The following SORCS1 variants were observed in gnomAD, a reference collection of about 807,000 sequenced individuals.
SORCS1 encodes VPS10 domain-containing receptor SorCS1.
In SORCS1, 60 loss-of-function variants were observed where a neutral mutation model predicts 146.1. The ratio of observed to expected loss-of-function variants is 0.41; its 90% CI spans 0.33 to 0.51. The LOEUF (loss-of-function observed/expected upper bound fraction) is 0.51, where lower values mean the gene tolerates loss of function less well. Ranked by LOEUF, SORCS1 falls within the 20% of genes least tolerant of loss-of-function variation. SORCS1 has a pLI of 0.21. For synonymous variants in SORCS1, 637 were observed against 584.0 expected, an observed-to-expected ratio of 1.09 and a Z score of -1.31; for missense variants, 1,352 against 1,487.6, an observed-to-expected ratio of 0.91 and a Z score of 1.50.
At position 106,577,181 on chromosome 10, in the gene SORCS1, GTTTTGT is replaced by G. The variant is rs752759827; in HGVS notation, c.*233_*238del. The G allele has an allele frequency of 1.4e-5, 21 of 1,452,884 alleles. No individual in the cohort carries two copies. Among genetic ancestry groups the G allele is most frequent in the South Asian group, 9.5e-5 (8 of 84,168 alleles). The allele number at this position is 1,452,884 out of a possible 1,614,324, so 90.0% of individuals were successfully genotyped here. A position where few individuals can be genotyped will look rare whatever the true frequency, so the allele number is the denominator to read the frequency against. ...TTTGATTGTTTATATTTTATGTTTTGTTTTGTTTTTGTTTTTGTTTTTTTACTGGCG... is the reference window on the plus strand; with the variant it reads ...TTTGATTGTTTATATTTTATGTTTTGTTTTGTTTTTGTTTTTTTACTGGCG... On this transcript the variant is annotated 3_prime_UTR_variant, in exon 26 of 26. Coordinates refer to ENST00000263054, the MANE Select transcript of SORCS1 (RefSeq NM_052918.5).
intron 1 of SORCS1, among the ~76,000 whole-genome samples, chr10:107,055,940 T>C (rs975424513): frequency 1.3e-4 from 20 of 152,318 alleles, no homozygotes; most frequent in African/African-American, 4.6e-4. Flanking sequence ...CCTAAGGGGA[T>C]TGCTTTGAGA....
intron 2 of SORCS1, among the ~76,000 whole-genome samples, chr10:106,927,092 G>C (rs1953083459): frequency 6.6e-6 from 1 of 152,168 alleles, no homozygotes; most frequent in Non-Finnish European, 1.5e-5. Context: ...GCATGATCCT[G>C]TCATAGCCAG....
intron 1 of SORCS1, among the ~76,000 whole-genome samples, chr10:107,038,591 CTA>C (rs1959018045): frequency 6.6e-6 from 1 of 152,070 alleles, no homozygotes; most frequent in South Asian, 2.1e-4. Flanking sequence ...TGCCTAGTAA[CTA>C]TGTGGTCTCA....
chr10:106,740,059 C>T (rs1857259246), intron 5 of SORCS1, among the ~76,000 whole-genome samples: 1 of 152,012 alleles, frequency 6.6e-6, no homozygotes, highest in East Asian at 1.9e-4. Context: ...GCTATCTCCA[C>T]ATGTTTTGTT....
chr10:106,886,221 C>T (rs1355665248), intron 2 of SORCS1, among the ~76,000 whole-genome samples: 1 of 152,084 alleles, frequency 6.6e-6, no homozygotes, highest in African/African-American at 2.4e-5. Flanking sequence ...AAGATCACAC[C>T]ACTGCACTAC....
rs971187156 is a variant in SORCS1 at position 107,017,811 on chromosome 10, C to T, written c.559-61231G>A. ...GCACCCAAGTGCGTGCCACCACGCCCGGCTATTTTTTTGTTTGTTTTTTTG... is the reference window on the plus strand; with the variant it reads ...GCACCCAAGTGCGTGCCACCACGCCTGGCTATTTTTTTGTTTGTTTTTTTG... On this transcript the variant is annotated intron_variant, in intron 1 of 25. Coordinates refer to ENST00000263054, the MANE Select transcript of SORCS1 (RefSeq NM_052918.5). 3.3e-5 allele frequency among the ~76,000 whole-genome samples: 5 copies of T among 151,978 alleles called. No homozygotes were observed. In the East Asian group the frequency reaches 5.9e-4, roughly 18 times the overall value.
chr10:106,625,809 A>AT (rs35727364), intron 19 of SORCS1, among the ~76,000 whole-genome samples: 232 of 147,438 alleles, frequency 1.6e-3, no homozygotes, highest in South Asian at 8.9e-3. Flanking sequence ...GTCTTCAGTG[A>AT]TTTTTTTTTT....
intron 2 of SORCS1, among the ~76,000 whole-genome samples, chr10:106,879,541 TGTAA>T (rs915989297): frequency 1.3e-5 from 2 of 152,230 alleles, no homozygotes; most frequent in African/African-American, 4.8e-5. Flanking sequence ...ACTTTGTAGA[TGTAA>T]GTGTGGTTAC....
At chr10:106,882,640 C>T (rs1202929400) in intron 2 of SORCS1, among the ~76,000 whole-genome samples, 1 of 152,052 alleles carries the variant, frequency 6.6e-6, no homozygotes, top group Non-Finnish European at 1.5e-5. Context: ...AGCTTTTTAA[C>T]CTGAGATTAC....
intron 6 of SORCS1, among the ~76,000 whole-genome samples, chr10:106,723,868 T>C (rs919328623): frequency 1.6e-4 from 24 of 152,200 alleles, no homozygotes; most frequent in Non-Finnish European, 1.0e-4. Flanking sequence ...TTTTTCAGAA[T>C]GTTTTTAATG....
intron 1 of SORCS1, among the ~76,000 whole-genome samples, chr10:107,099,619 C>T (rs1385156015): frequency 6.6e-6 from 1 of 152,094 alleles, no homozygotes. Context: ...GCAGGTATTC[C>T]ATCACTGAAG....
At chr10:107,114,941 C>A (rs527388200) in intron 1 of SORCS1, among the ~76,000 whole-genome samples, 8 of 152,016 alleles carry the variant, frequency 5.3e-5, no homozygotes, top group Non-Finnish European at 7.4e-5. Context: ...ATGTCAGTTG[C>A]ATTTCTATCA....
intron 18 of SORCS1, among the ~76,000 whole-genome samples, chr10:106,636,814 A>T (rs543437109): frequency 6.6e-6 from 1 of 152,236 alleles, no homozygotes; most frequent in South Asian, 2.1e-4. Flanking sequence ...ACTAGTTTGA[A>T]TCAGGCTGTT....
intron 1 of SORCS1, among the ~76,000 whole-genome samples, chr10:107,044,814 T>TAAAAA (rs71025575): frequency 7.8e-5 from 7 of 90,248 alleles, no homozygotes; most frequent in Admixed American, 2.6e-4. Flanking sequence ...TGTGTCTCAA[T>TAAAAA]AAAAAAAAAA....
At chr10:106,973,512 C>T (rs1193179177) in intron 1 of SORCS1, among the ~76,000 whole-genome samples, 1 of 152,160 alleles carries the variant, frequency 6.6e-6, no homozygotes, top group African/African-American at 2.4e-5. Flanking sequence ...AGCCACTGTT[C>T]ACAACATGGA....
chr10:106,757,808 G>A (rs1208731395), intron 5 of SORCS1, among the ~76,000 whole-genome samples: 1 of 152,194 alleles, frequency 6.6e-6, no homozygotes, highest in African/African-American at 2.4e-5. Flanking sequence ...TGATTTAGTA[G>A]AGCACAGACT....
chr10:107,081,673 A>T (rs985095023), intron 1 of SORCS1, among the ~76,000 whole-genome samples: 1 of 152,230 alleles, frequency 6.6e-6, no homozygotes. Context: ...AAATATACAA[A>T]GACACAAAGA....
chr10:106,910,468 T>G (rs990808404), intron 2 of SORCS1, among the ~76,000 whole-genome samples: 1 of 152,132 alleles, frequency 6.6e-6, no homozygotes, highest in Non-Finnish European at 1.5e-5. Context: ...GAGTTAATCC[T>G]CTTAAATGTT....
At chr10:106,816,874 T>C (rs1947766839) in intron 3 of SORCS1, among the ~76,000 whole-genome samples, 1 of 152,148 alleles carries the variant, frequency 6.6e-6, no homozygotes, top group South Asian at 2.1e-4. Context: ...TTTTAATTGG[T>C]GCCTAGGGGT....
Sources: gnomAD v4.1 joint callset for allele counts (sites outside exome capture counted in the v4.1 genomes callset) on GRCh38, gnomAD v4.1.1 for gene constraint, MANE v1.5 for transcripts, NCBI Gene and HGNC (gene_info 2026-07-23, HGNC 2026-07-21) for gene names.